Variants in UPF2 observed in about 807,000 individuals in gnomAD.
UPF2 encodes UPF2 regulator of nonsense mediated mRNA decay.
In UPF2, 17 loss-of-function variants were observed where a neutral mutation model predicts 141.4. That is an observed-to-expected ratio of 0.12 (90% CI 0.08 to 0.18). The LOEUF is 0.18. Among genes scored for constraint, UPF2 ranks in the 10% least tolerant of loss-of-function variants. The probability of loss-of-function intolerance (pLI) is 1.00; values close to 1 mark genes in which losing one functional copy is unlikely to be tolerated. For missense variants in UPF2, 1,152 were observed against 1,515.9 expected (o/e 0.76, Z 3.99); for synonymous variants, 540 against 498.0 (o/e 1.08, Z -1.12).
chr10:12,037,402 CTT>C (rs59226793), intron 1 of UPF2, among the ~76,000 whole-genome samples: 86 of 122,252 alleles, frequency 7.0e-4, no homozygotes, highest in African/African-American at 2.1e-3. Context: ...TTTTGTTTTT[CTT>C]TTTTTTTTTT....
intron 9 of UPF2, among the ~76,000 whole-genome samples, chr10:11,978,285 G>T (rs1833539208): frequency 6.6e-6 from 1 of 152,178 alleles, no homozygotes; most frequent in African/African-American, 2.4e-5. Flanking sequence ...ATGATAAAGC[G>T]AAGTTTTGTA....
chr10:11,976,872 T>C (rs915368883), intron 9 of UPF2, among the ~76,000 whole-genome samples: 3 of 152,234 alleles, frequency 2.0e-5, no homozygotes, highest in Admixed American at 1.3e-4. Context: ...TGTGCATTAT[T>C]TCATTTAATC....
intron 8 of UPF2, among the ~76,000 whole-genome samples, chr10:11,995,257 G>A (rs11813706): frequency 0.055 from 8,302 of 152,240 alleles, 287 homozygotes; most frequent in Non-Finnish European, 0.08. Flanking sequence ...GGAGTAGAGA[G>A]AGCAAACAGT....
intron 7 of UPF2, among the ~76,000 whole-genome samples, chr10:11,999,419 A>G (rs1180127031): frequency 2.0e-5 from 3 of 149,034 alleles, no homozygotes; most frequent in Non-Finnish European, 4.5e-5. Context: ...AGGCTGAGGC[A>G]GGAGAATTGC....
intron 15 of UPF2, 69 bp from the exon 16 acceptor site, chr10:11,948,577 C>G (rs1833034417): frequency 6.7e-7 from 1 of 1,497,338 alleles, no homozygotes; most frequent in African/African-American, 1.4e-5. Flanking sequence ...CTACACTATA[C>G]CAATTCATGT....
At chr10:11,984,718 T>TA (rs34157281) in intron 8 of UPF2, among the ~76,000 whole-genome samples, 7,869 of 130,426 alleles carry the variant, frequency 0.06, 276 homozygotes, top group Non-Finnish European at 0.087. Context: ...CTTTGCTCTT[T>TA]AAAAAAAAAA....
intron 8 of UPF2, among the ~76,000 whole-genome samples, chr10:11,987,761 CAAAAAAAAA>C (rs572687103): frequency 1.1e-3 from 57 of 54,160 alleles, no homozygotes; most frequent in Admixed American, 6.0e-3. Flanking sequence ...GACTCTGCCT[CAAAAAAAAA>C]AAAAAAAAAA....
chr10:12,019,406 C>CA lies in UPF2; in HGVS notation c.1146-5223_1146-5222insT, dbSNP rs1834278111. ...TTTCAACCATTTAAAAAAGTAAAAA[C>CA]CATTCTTAGGTGACAGGCTGTAGAA... On this transcript the variant is annotated intron_variant, in intron 3 of 21. Transcript: ENST00000357604. The surrounding 1 kb of genome is among the most constrained non-coding windows in gnomAD (Gnocchi z 4.5). Among the ~76,000 whole-genome samples the CA allele has an allele frequency of 1.3e-5, 2 of 152,322 alleles. No individual in the cohort carries two copies. Among genetic ancestry groups the CA allele is most frequent in the South Asian group, 4.1e-4 (2 of 4,824 alleles).
intron 3 of UPF2, among the ~76,000 whole-genome samples, chr10:12,020,886 C>T (rs556625808): frequency 6.6e-6 from 1 of 152,162 alleles, no homozygotes; most frequent in South Asian, 2.1e-4. Context: ...TATAATTATC[C>T]ACTTTGTATG....
At chr10:11,984,798 C>G (rs567384146) in intron 8 of UPF2, among the ~76,000 whole-genome samples, 74 of 152,094 alleles carry the variant, frequency 4.9e-4, no homozygotes, top group African/African-American at 1.7e-3. Context: ...CTGCAACCTC[C>G]GCCTCCCAGG....
chr10:12,036,712 T>C (rs1382864423), intron 1 of UPF2, among the ~76,000 whole-genome samples: 1 of 152,220 alleles, frequency 6.6e-6, no homozygotes, highest in Non-Finnish European at 1.5e-5. Flanking sequence ...TCCTAAATTA[T>C]CTAAGAGTTG....
At chr10:11,925,646 AGTCATGGCAGCAGATCC>A (rs1279540827) in intron 21 of UPF2, among the ~76,000 whole-genome samples, 1 of 152,236 alleles carries the variant, frequency 6.6e-6, no homozygotes, top group East Asian at 1.9e-4. Context: ...AAATACCATA[AGTCATGGCAGCAGATCC>A]GCACTGACCT....
intron 5 of UPF2, 88 bp from the exon 6 acceptor site, chr10:12,001,913 AG>A: frequency 8.0e-7 from 1 of 1,245,952 alleles, no homozygotes; most frequent in Non-Finnish European, 1.1e-6. Flanking sequence ...CAAAATCTGC[AG>A]GTTCTTTTAG....
intron 15 of UPF2, 125 bp from the exon 16 acceptor site, chr10:11,948,633 G>A (rs1833035116): frequency 9.0e-7 from 1 of 1,116,452 alleles, no homozygotes; most frequent in Non-Finnish European, 1.3e-6. Context: ...CAGAACAAAG[G>A]TAAAAGAATT....
intron 5 of UPF2, among the ~76,000 whole-genome samples, chr10:12,003,949 G>T (rs1450270228): frequency 4.7e-5 from 6 of 126,558 alleles, no homozygotes; most frequent in Non-Finnish European, 1.0e-4. Context: ...AAAAAAGAAT[G>T]CATAGAAGGA....
chr10:11,941,251 A>C (rs1012957530), intron 18 of UPF2, among the ~76,000 whole-genome samples: 2 of 152,230 alleles, frequency 1.3e-5, no homozygotes, highest in African/African-American at 4.8e-5. Flanking sequence ...GATTTATATA[A>C]GATGGGAAGT....
chr10:12,007,163 C>G (rs11592839), intron 4 of UPF2, among the ~76,000 whole-genome samples: 7,965 of 152,226 alleles, frequency 0.052, 285 homozygotes, highest in Non-Finnish European at 0.08. Context: ...AGAACTGACT[C>G]AGAAAGCTCT....
intron 2 of UPF2, among the ~76,000 whole-genome samples, chr10:12,030,277 T>C (rs1834494991): frequency 6.6e-6 from 1 of 152,018 alleles, no homozygotes; most frequent in African/African-American, 2.4e-5. Flanking sequence ...CAAGACCAGA[T>C]GTGGTGGCTC....
chr10:11,948,385 T>C lies in UPF2; in HGVS notation c.3158A>G (p.Asn1053Ser). ...EEQSGNESEV[N>S]EPEEEEGSDN... ...AGTCATCACCTCTTCTTCTGGCTCA[T>C]TTACTTCACTTTCATTTCCAGATTG... The change falls in exon 16 of 22, where the codon AAT becomes AGT. Residue 1053 changes from asparagine (N) to serine (S), a missense_variant. Physicochemically the swap from Asn to Ser is conservative, Grantham distance 46. Coordinates refer to ENST00000357604, the MANE Select transcript of UPF2 (RefSeq NM_015542.4). 1 of 1,593,386 alleles carries C rather than the reference T, an allele frequency of 6.3e-7. No homozygotes were observed. Among genetic ancestry groups the C allele is most frequent in the East Asian group, 2.2e-5 (1 of 44,752 alleles).
Sources: allele counts gnomAD v4.1 joint callset (sites outside exome capture counted in the v4.1 genomes callset), GRCh38; gene constraint gnomAD v4.1.1; non-coding constraint Gnocchi (gnomAD v3.1); transcripts MANE v1.5; gene names NCBI Gene and HGNC (gene_info 2026-07-23, HGNC 2026-07-21).